CCDC197: variants seen among roughly 807,000 people sequenced by gnomAD.
CCDC197 encodes coiled-coil domain containing 197, also known as uncharacterized protein CCDC197.
In CCDC197, 24 loss-of-function variants were observed where a neutral mutation model predicts 13.4. That is an observed-to-expected ratio of 1.80 (90% CI 1.30 to 2.53). The LOEUF is 2.53. CCDC197 is among the 30% of genes most tolerant of loss of function. The pLI, the probability that CCDC197 is intolerant of heterozygous loss-of-function variation, is 0.00. For missense variants in CCDC197, 255 were observed against 148.8 expected (o/e 1.71, Z -3.71); for synonymous variants, 99 against 55.5 (o/e 1.78, Z -3.48).
upstream of CCDC197, among the ~76,000 whole-genome samples, chr14:93,994,555 C>T (rs1416370016): frequency 6.6e-6 from 1 of 152,232 alleles, no homozygotes; most frequent in East Asian, 1.9e-4. Context: ...TCCCAAGGAG[C>T]TGCAGCCTCT....
intron 6 of CCDC197, among the ~76,000 whole-genome samples, chr14:94,006,155 C>T (rs574711517): frequency 4.6e-5 from 7 of 152,282 alleles, no homozygotes; most frequent in African/African-American, 1.4e-4. Context: ...CACATCCTTG[C>T]CAACATTTGC....
chr14:94,003,460 C>T lies in CCDC197; in HGVS notation c.498+106C>T. On this transcript the variant is annotated intron_variant, in intron 5 of 6. Transcript: ENST00000636493. This position sits in a 1 kb window ranked among gnomAD's most constrained non-coding sequence, Gnocchi z 5.0. ...ACACAGACACATACGCACGCAGACA[C>T]ACACACACAGAGCCAGACACATAGA... 2 of 643,768 alleles carry T rather than the reference C, an allele frequency of 3.1e-6. No individual in the cohort carries two copies. The highest frequency in any genetic ancestry group is 5.7e-6 in the Non-Finnish European group (2 of 352,458). 39.9% of individuals were successfully genotyped at this position (643,768 alleles called of 1,614,324 possible).
chr14:94,001,353 C>T (rs759001365), intron 4 of CCDC197, 30 bp downstream of exon 4: 2 of 723,072 alleles, frequency 2.8e-6, no homozygotes, highest in South Asian at 1.5e-5. Context: ...TGCTCCATTC[C>T]CCGTGGCCCA....
chr14:93,991,338 G>A (rs1890207488), intron 1 of CCDC197, among the ~76,000 whole-genome samples: 1 of 152,142 alleles, frequency 6.6e-6, no homozygotes, highest in African/African-American at 2.4e-5. Flanking sequence ...TGTGCTGAGT[G>A]CCTTACCTAT....
chr14:93,994,930 A>C (rs771426105), upstream of CCDC197, among the ~76,000 whole-genome samples: 60 of 151,944 alleles, frequency 3.9e-4, no homozygotes, highest in Non-Finnish European at 7.2e-4. Flanking sequence ...TAACCACTCA[A>C]CCTCCCAGAT....
downstream of CCDC197, among the ~76,000 whole-genome samples, chr14:94,009,076 G>A (rs903037114): frequency 2.6e-5 from 4 of 152,218 alleles, no homozygotes; most frequent in Non-Finnish European, 4.4e-5. Context: ...AAGATCCTGG[G>A]CTGAAGACTC....
At chr14:93,996,748 G>T (rs887471536), upstream of CCDC197, among the ~76,000 whole-genome samples, 2 of 152,306 alleles carry the variant, frequency 1.3e-5, no homozygotes, top group East Asian at 1.9e-4. Flanking sequence ...TGGTGCGTGT[G>T]GTGGGGGTGG....
In CCDC197 at chr14:94,008,621, G is replaced by T. The variant is rs950997484; in HGVS notation, c.628G>T (p.Asp210Tyr). The stretch of plus-strand genomic sequence containing the variant: ...TTTTCCCTCCCAGGAGTTCATGTTG[G>T]ACAAAATGGAGACTGTAAGACTGAT... Reference protein sequence around the residue: ...KLDLIKEFMLDKMETVRLIAL... With the variant: ...KLDLIKEFMLYKMETVRLIAL... The change falls in exon 7 of 7, where the codon GAC becomes TAC. Residue 210 changes from aspartate to tyrosine, a missense_variant. Physicochemically the swap from Asp to Tyr is radical, Grantham distance 160. Transcript: ENST00000636493. 1 of 701,910 alleles carries T rather than the reference G, an allele frequency of 1.4e-6. No individual in the cohort carries two copies. Among genetic ancestry groups the T allele is most frequent in the Admixed American group, 2.0e-5 (1 of 49,986 alleles). 43.5% of individuals were successfully genotyped at this position (701,910 alleles called of 1,614,324 possible). A position where few individuals can be genotyped will look rare whatever the true frequency, so the allele number is the denominator to read the frequency against.
intron 6 of CCDC197, 120 bp downstream of exon 6, chr14:94,005,091 C>A (rs1890644246): frequency 1.6e-6 from 1 of 613,194 alleles, no homozygotes; most frequent in Non-Finnish European, 2.9e-6. Context: ...GCTCTTCTTT[C>A]CATAGCTACA....
intron 1 of CCDC197, among the ~76,000 whole-genome samples, chr14:93,990,084 A>C (rs1349361900): frequency 6.6e-6 from 1 of 152,202 alleles, no homozygotes; most frequent in Non-Finnish European, 1.5e-5. Context: ...CCAGCCACAG[A>C]GAAAATGCTC....
At chr14:93,988,840 G>A (rs544653133) in intron 1 of CCDC197, among the ~76,000 whole-genome samples, 3 of 138,864 alleles carry the variant, frequency 2.2e-5, no homozygotes, top group South Asian at 5.0e-4. Flanking sequence ...GAGGGCATGG[G>A]AGGAGGGGAT....
chr14:93,989,299 A>G (rs766487660), intron 1 of CCDC197, among the ~76,000 whole-genome samples: 7 of 152,160 alleles, frequency 4.6e-5, no homozygotes, highest in Admixed American at 3.3e-4. Context: ...CCCAGGACCC[A>G]GGATAAGAAG....
At chr14:93,990,230 A>T (rs960278772) in intron 1 of CCDC197, among the ~76,000 whole-genome samples, 3 of 152,196 alleles carry the variant, frequency 2.0e-5, no homozygotes, top group Admixed American at 1.3e-4. Context: ...ACTGCTCACC[A>T]CATTCACAGC....
upstream of CCDC197, among the ~76,000 whole-genome samples, chr14:93,993,187 A>T (rs542503879): frequency 3.9e-5 from 6 of 152,270 alleles, no homozygotes; most frequent in African/African-American, 1.4e-4. Context: ...GGGAGAGAAG[A>T]GGTGGGCAGG....
At position 94,001,175 on chromosome 14, in the gene CCDC197, T is replaced by C. The variant is rs751164047; in HGVS notation, c.218T>C (p.Val73Ala). 1.8e-5 allele frequency: 14 copies of C among 780,170 alleles called. No homozygotes were observed. Among genetic ancestry groups the C allele is most frequent in the South Asian group, 1.7e-4 (13 of 74,508 alleles). The allele number at this position is 780,170 out of a possible 1,614,324, so 48.3% of individuals were successfully genotyped here. The change falls in exon 4 of 7, where the codon GTG becomes GCG. Residue 73 changes from valine to alanine, a missense_variant. Coordinates refer to ENST00000636493, the MANE Select transcript of CCDC197 (RefSeq NM_001351596.2). ...ACGGGATGGGAGGAGCCGGAGGAGG[T>C]GCTGGTGGAGGCCACGGTGAAGCAC... ...GCTGWEEPEE[V>A]LVEATVKHYG...
downstream of CCDC197, among the ~76,000 whole-genome samples, chr14:94,011,265 G>T (rs1207815140): frequency 1.3e-5 from 2 of 152,186 alleles, no homozygotes; most frequent in South Asian, 4.1e-4. Flanking sequence ...CTGTGCCTTC[G>T]AGGGCTCTAT....
At chr14:93,993,962 C>A (rs1890244723), upstream of CCDC197, among the ~76,000 whole-genome samples, 1 of 152,180 alleles carries the variant, frequency 6.6e-6, no homozygotes, top group Non-Finnish European at 1.5e-5. Flanking sequence ...TCTTAAGTTC[C>A]TTTCACCCTC....
Position 94,003,088 on chromosome 14 carries a change from CT to C in CCDC197, c.367-133del, listed in dbSNP as rs878888559. 1.7e-6 allele frequency: 1 copy of C among 597,042 alleles called. No individual in the cohort carries two copies. The highest frequency in any genetic ancestry group is 3.0e-6 in the Non-Finnish European group (1 of 333,724). The allele number at this position is 597,042 out of a possible 1,614,324, so 37.0% of individuals were successfully genotyped here. ...ACGCCCTTTTCTGCATCTCTGGTGC[CT>C]TGAATGGCCCCAGCCACCCACAAGT... On this transcript the variant is annotated intron_variant, in intron 4 of 6. Transcript: ENST00000636493. The surrounding 1 kb of genome is among the most constrained non-coding windows in gnomAD (Gnocchi z 5.0).
intron 3 of CCDC197, 50 bp downstream of exon 3, chr14:93,999,715 T>A (rs1052359070): frequency 1.3e-5 from 10 of 778,480 alleles, no homozygotes; most frequent in Middle Eastern, 2.3e-4. Context: ...AGCCACCTAC[T>A]GGCTGCAGGA....
Sources: allele counts gnomAD v4.1 joint callset (sites outside exome capture counted in the v4.1 genomes callset), GRCh38; gene constraint gnomAD v4.1.1; non-coding constraint Gnocchi (gnomAD v3.1); transcripts MANE v1.5; gene names NCBI Gene and HGNC (gene_info 2026-07-23, HGNC 2026-07-21).